MSRB3: variants seen among roughly 807,000 people sequenced by gnomAD.
MSRB3 encodes methionine-R-sulfoxide reductase B3.
Under a neutral mutation model 21.0 loss-of-function variants are expected in MSRB3, and 13 were observed. The ratio of observed to expected loss-of-function variants is 0.62; its 90% CI spans 0.40 to 0.98. The LOEUF (loss-of-function observed/expected upper bound fraction) is 0.98. Among genes scored for constraint, MSRB3 ranks in the 50% least tolerant of loss-of-function variants. The pLI is 0.00. For missense variants in MSRB3, 199 were observed against 230.3 expected, an observed-to-expected ratio of 0.86 and a Z score of 0.88; for synonymous variants, 87 against 88.6, an observed-to-expected ratio of 0.98 and a Z score of 0.10.
chr12:65,293,620 C>CCAGGA (rs1872782348), intron 1 of MSRB3, among the ~76,000 whole-genome samples: 1 of 152,216 alleles, frequency 6.6e-6, no homozygotes, highest in Admixed American at 6.6e-5. Flanking sequence ...AAGGCTTTCT[C>CCAGGA]ATGCCCCACA....
At chr12:65,312,902 A>G (rs1874068104) in intron 2 of MSRB3, among the ~76,000 whole-genome samples, 2 of 151,570 alleles carry the variant, frequency 1.3e-5, no homozygotes, top group South Asian at 2.1e-4. Context: ...ACTCCTTTAT[A>G]TGGGAAGATT....
intron 5 of MSRB3, among the ~76,000 whole-genome samples, chr12:65,388,987 A>G (rs1445269199): frequency 1.3e-5 from 2 of 152,210 alleles, no homozygotes; most frequent in Non-Finnish European, 2.9e-5. Flanking sequence ...TTATTAATCC[A>G]TGAGCTCTTA....
At chr12:65,427,903 G>C (rs185321407) in intron 5 of MSRB3, among the ~76,000 whole-genome samples, 6 of 152,144 alleles carry the variant, frequency 3.9e-5, no homozygotes, top group Non-Finnish European at 5.9e-5. Context: ...TTGCTAGTAA[G>C]CTCCAGTGTC....
At chr12:65,454,215 G>A in intron 6 of MSRB3, 1 of 428,248 alleles carries the variant, frequency 2.3e-6, no homozygotes, top group Admixed American at 3.6e-5. Context: ...TGGAGCCCAG[G>A]AGGTCGAGGC....
intron 5 of MSRB3, among the ~76,000 whole-genome samples, chr12:65,433,811 T>C (rs1455866352): frequency 6.6e-6 from 1 of 151,934 alleles, no homozygotes; most frequent in Non-Finnish European, 1.5e-5. Flanking sequence ...CAAGATTCTC[T>C]CTTAGCTTCC....
intron 5 of MSRB3, among the ~76,000 whole-genome samples, chr12:65,451,733 T>A (rs949072953): frequency 1.3e-5 from 2 of 152,214 alleles, no homozygotes; most frequent in South Asian, 2.1e-4. Context: ...GAAACTAGCA[T>A]TGATATTTCC....
intron 5 of MSRB3, among the ~76,000 whole-genome samples, chr12:65,389,028 G>T (rs1359152882): frequency 6.6e-6 from 1 of 152,134 alleles, no homozygotes; most frequent in Non-Finnish European, 1.5e-5. Flanking sequence ...CGTAAATAAT[G>T]ATGTTAATGA....
chr12:65,418,255 TC>T (rs1173917610), intron 5 of MSRB3, among the ~76,000 whole-genome samples: 1 of 152,118 alleles, frequency 6.6e-6, no homozygotes, highest in African/African-American at 2.4e-5. Flanking sequence ...CAGGAGCAAG[TC>T]ACCACACCCA....
intron 1 of MSRB3, among the ~76,000 whole-genome samples, chr12:65,302,067 A>G (rs1873367190): frequency 6.6e-6 from 1 of 152,114 alleles, no homozygotes; most frequent in African/African-American, 2.4e-5. Flanking sequence ...AAGAATAGTC[A>G]TTTTGTAAAT....
chr12:65,362,911 AT>A, intron 4 of MSRB3, among the ~76,000 whole-genome samples: 1 of 152,332 alleles, frequency 6.6e-6, no homozygotes, highest in South Asian at 2.1e-4. Flanking sequence ...GGTAGAAGAA[AT>A]TGGTAGACCT....
In MSRB3 at chr12:65,463,247, T is replaced by C. The variant is rs141532859; in HGVS notation, c.483T>C (p.Pro161=). 5.3e-5 allele frequency: 86 copies of C among 1,614,218 alleles called. No individual in the cohort carries two copies. The African/African-American group carries it at 1.1e-3, about 21-fold the overall frequency. Residue 161 remains proline (P), a synonymous_variant, in exon 7 of 7, where the codon CCT becomes CCC. Coordinates refer to ENST00000308259, the MANE Select transcript of MSRB3 (RefSeq NM_001031679.3). The stretch of plus-strand genomic sequence containing the variant: ...ATTCGGCTGCCTTGTCTTTTACACC[T>C]GCGGATAGCAGTGGCACCGCCGAGG... The part of the protein sequence containing the change: ...CINSAALSFT[P]ADSSGTAEGG...
At chr12:65,401,003 A>G (rs1202015112) in intron 5 of MSRB3, among the ~76,000 whole-genome samples, 3 of 152,122 alleles carry the variant, frequency 2.0e-5, no homozygotes, top group African/African-American at 7.2e-5. Context: ...GTTCTTTTGC[A>G]TTTGCTGAGG....
intron 5 of MSRB3, among the ~76,000 whole-genome samples, chr12:65,441,890 TG>T (rs1168943619): frequency 6.6e-6 from 1 of 152,072 alleles, no homozygotes; most frequent in Non-Finnish European, 1.5e-5. Context: ...TGTATCTGCC[TG>T]CCACAAAGGC....
intron 2 of MSRB3, among the ~76,000 whole-genome samples, chr12:65,320,189 C>T (rs1009093034): frequency 6.6e-6 from 1 of 151,954 alleles, no homozygotes; most frequent in African/African-American, 2.4e-5. Flanking sequence ...ATTATTATGA[C>T]ATATAAAGAT....
intron 5 of MSRB3, among the ~76,000 whole-genome samples, chr12:65,372,517 A>G (rs1456344666): frequency 6.6e-6 from 1 of 152,190 alleles, no homozygotes; most frequent in Non-Finnish European, 1.5e-5. Context: ...TTCCTAGTTG[A>G]TGTACTAATG....
chr12:65,361,246 A>G (rs1877681988), intron 4 of MSRB3, among the ~76,000 whole-genome samples: 1 of 152,086 alleles, frequency 6.6e-6, no homozygotes, highest in Admixed American at 6.6e-5. Context: ...GTATCGTCTC[A>G]TTTAATCCAC....
At chr12:65,367,948 A>G (rs1453210085) in intron 4 of MSRB3, among the ~76,000 whole-genome samples, 5 of 152,086 alleles carry the variant, frequency 3.3e-5, no homozygotes, top group Admixed American at 6.5e-5. Flanking sequence ...CAATCATACA[A>G]TTATAAGCAT....
chr12:65,285,256 C>T (rs1341024414), intron 1 of MSRB3: 1 of 152,168 alleles, frequency 6.6e-6, no homozygotes, highest in African/African-American at 2.4e-5. Flanking sequence ...CAAGTGTTGA[C>T]TGCAAGGTTC....
At chr12:65,289,010 C>T (rs1437543672) in intron 1 of MSRB3, among the ~76,000 whole-genome samples, 2 of 152,104 alleles carry the variant, frequency 1.3e-5, no homozygotes, top group African/African-American at 4.8e-5. Context: ...TACCCTCATC[C>T]AGCTTCAGAA....
Sources: allele counts gnomAD v4.1 joint callset (sites outside exome capture counted in the v4.1 genomes callset), GRCh38; gene constraint gnomAD v4.1.1; transcripts MANE v1.5; gene names NCBI Gene and HGNC (gene_info 2026-07-23, HGNC 2026-07-21).